The following RNF150 variants were observed in gnomAD, a reference collection of about 807,000 sequenced individuals.
RNF150 encodes the protein ring finger protein 150.
RNF150 carries 24 observed loss-of-function variants against 39.3 expected under a neutral mutation model. That is an observed-to-expected ratio of 0.61 (90% CI 0.44 to 0.86). The LOEUF is 0.86. RNF150 is among the 40% of genes least tolerant of loss of function. The pLI is 0.00. For missense variants in RNF150, 502 were observed against 587.8 expected (o/e 0.85, Z 1.51); for synonymous variants, 255 against 227.3 (o/e 1.12, Z -1.10).
At chr4:141,159,571 C>T (rs945683508) in intron 1 of RNF150, among the ~76,000 whole-genome samples, 4 of 151,838 alleles carry the variant, frequency 2.6e-5, no homozygotes, top group African/African-American at 9.7e-5. Context: ...TTAATAGGGC[C>T]TTGCTGTGTC....
At chr4:140,889,616 G>A (rs546613477) in intron 6 of RNF150, among the ~76,000 whole-genome samples, 3 of 152,178 alleles carry the variant, frequency 2.0e-5, no homozygotes, top group South Asian at 4.2e-4. Context: ...ATGCTACAAA[G>A]GTACAGGGAA....
intron 1 of RNF150, among the ~76,000 whole-genome samples, chr4:141,061,292 G>A (rs1229973500): frequency 6.6e-6 from 1 of 152,040 alleles, no homozygotes; most frequent in Non-Finnish European, 1.5e-5. Flanking sequence ...CTGCATGGAG[G>A]CTTCATTATT....
chr4:141,058,347 A>G (rs1737074248), intron 1 of RNF150, among the ~76,000 whole-genome samples: 2 of 152,090 alleles, frequency 1.3e-5, no homozygotes, highest in Admixed American at 1.3e-4. Context: ...GCAGAGAAGG[A>G]AGAAAATCCC....
chr4:141,183,892 T>TTATTTAGTCTA (rs1470494440), intron 1 of RNF150, among the ~76,000 whole-genome samples: 1 of 152,232 alleles, frequency 6.6e-6, no homozygotes, highest in East Asian at 1.9e-4. Flanking sequence ...CATATTTTCT[T>TTATTTAGTCTA]TATTTAGTCT....
chr4:141,077,869 CG>C (rs1560725681), intron 1 of RNF150, among the ~76,000 whole-genome samples: 1 of 152,214 alleles, frequency 6.6e-6, no homozygotes, highest in South Asian at 2.1e-4. Context: ...GGCCTTTGTT[CG>C]GGGTTTTGTC....
chr4:141,046,517 T>G (rs555161193), intron 1 of RNF150, among the ~76,000 whole-genome samples: 13 of 152,302 alleles, frequency 8.5e-5, no homozygotes, highest in African/African-American at 2.6e-4. Flanking sequence ...GGGCCAAACT[T>G]GAAGTTCACA....
intron 1 of RNF150, among the ~76,000 whole-genome samples, chr4:141,131,150 T>C (rs1227653376): frequency 6.6e-6 from 1 of 152,232 alleles, no homozygotes; most frequent in African/African-American, 2.4e-5. Context: ...AATGGAAACT[T>C]GTCCCCAAAG....
chr4:141,087,589 T>G (rs1334410816), intron 1 of RNF150, among the ~76,000 whole-genome samples: 1 of 152,224 alleles, frequency 6.6e-6, no homozygotes, highest in Non-Finnish European at 1.5e-5. Flanking sequence ...AAATGCTGGT[T>G]GTACAGTAGC....
At chr4:141,091,839 T>C (rs1578719602) in intron 1 of RNF150, among the ~76,000 whole-genome samples, 1 of 152,232 alleles carries the variant, frequency 6.6e-6, no homozygotes, top group Middle Eastern at 3.4e-3. Context: ...GGCCAGTAAT[T>C]CAGACATGCC....
intron 1 of RNF150, among the ~76,000 whole-genome samples, chr4:141,187,268 C>T (rs1312057694): frequency 6.6e-6 from 1 of 152,040 alleles, no homozygotes; most frequent in Non-Finnish European, 1.5e-5. Flanking sequence ...GTTTTACTTC[C>T]AATTATATGG....
At chr4:141,051,891 T>C (rs1430534676) in intron 1 of RNF150, among the ~76,000 whole-genome samples, 1 of 152,148 alleles carries the variant, frequency 6.6e-6, no homozygotes, top group Non-Finnish European at 1.5e-5. Flanking sequence ...TATTAGTCCA[T>C]TTTCATGCTG....
chr4:141,093,818 C>T (rs530953636), intron 1 of RNF150, among the ~76,000 whole-genome samples: 1 of 152,004 alleles, frequency 6.6e-6, no homozygotes, highest in African/African-American at 2.4e-5. Context: ...AAACAAAATA[C>T]AGAATCAAAT....
chr4:141,169,982 C>T (rs116698382), intron 1 of RNF150, among the ~76,000 whole-genome samples: 1,722 of 152,076 alleles, frequency 0.011, 39 homozygotes, highest in African/African-American at 0.038. Context: ...TGAATTTATT[C>T]GGAAAAGCAT....
intron 1 of RNF150, among the ~76,000 whole-genome samples, chr4:141,079,838 A>G (rs1267731348): frequency 1.3e-5 from 2 of 152,226 alleles, no homozygotes; most frequent in Non-Finnish European, 2.9e-5. Flanking sequence ...CCCTGGAGCC[A>G]GAACGTCTGT....
At chr4:141,148,755 A>ATG (rs1727245061) in intron 1 of RNF150, among the ~76,000 whole-genome samples, 1 of 152,110 alleles carries the variant, frequency 6.6e-6, no homozygotes, top group Admixed American at 6.6e-5. Flanking sequence ...TCACTCTTAA[A>ATG]TGGTACCACG....
intron 1 of RNF150, among the ~76,000 whole-genome samples, chr4:141,147,899 T>C (rs971836956): frequency 6.6e-6 from 1 of 152,196 alleles, no homozygotes; most frequent in African/African-American, 2.4e-5. Flanking sequence ...CTCAGAAATA[T>C]GAGGCGTAGA....
At chr4:141,111,162 C>T (rs1431273369) in intron 1 of RNF150, among the ~76,000 whole-genome samples, 1 of 152,142 alleles carries the variant, frequency 6.6e-6, no homozygotes, top group Non-Finnish European at 1.5e-5. Context: ...AACCATTGAT[C>T]CTGAGGAATG....
At chr4:141,038,233 G>A (rs973013503) in intron 1 of RNF150, among the ~76,000 whole-genome samples, 1 of 152,110 alleles carries the variant, frequency 6.6e-6, no homozygotes, top group Non-Finnish European at 1.5e-5. Context: ...GAAAGTGCAG[G>A]AGATAGCTGG....
chr4:140,885,956 C>T (rs1238320867), intron 6 of RNF150, among the ~76,000 whole-genome samples: 2 of 151,888 alleles, frequency 1.3e-5, no homozygotes, highest in African/African-American at 2.4e-5. Flanking sequence ...TTTGGGAGGC[C>T]GAGATGGGTG....
Sources: gnomAD v4.1 joint callset for allele counts (sites outside exome capture counted in the v4.1 genomes callset) on GRCh38, gnomAD v4.1.1 for gene constraint, MANE v1.5 for transcripts, NCBI Gene and HGNC (gene_info 2026-07-23, HGNC 2026-07-21) for gene names.